The following CCDC47 variants were observed in gnomAD, a reference collection of about 807,000 sequenced individuals.
CCDC47 encodes the protein coiled-coil domain containing 47, also known as PAT complex subunit CCDC47.
Under a neutral mutation model 60.5 loss-of-function variants are expected in CCDC47, and 41 were observed. The ratio of observed to expected loss-of-function variants is 0.68; its 90% confidence interval spans 0.53 to 0.88. The LOEUF (loss-of-function observed/expected upper bound fraction) is 0.88. CCDC47 is among the 40% of genes least tolerant of loss of function. The pLI, the probability that CCDC47 is intolerant of heterozygous loss-of-function variation, is 0.00. For synonymous variants in CCDC47, 195 were observed against 190.7 expected (o/e 1.02, Z -0.18); for missense variants, 513 against 580.9 (o/e 0.88, Z 1.20).
intron 7 of CCDC47, 28 bp from the exon 8 acceptor site, chr17:63,756,378 A>G: frequency 1.3e-6 from 2 of 1,596,014 alleles, no homozygotes; most frequent in Non-Finnish European, 1.7e-6. Flanking sequence ...TGAAAGTAAG[A>G]TATGACCTTT....
chr17:63,764,108 T>C lies in CCDC47; in HGVS notation c.455A>G (p.Asn152Ser). 1 of 1,612,770 alleles carries C rather than the reference T, an allele frequency of 6.2e-7. No homozygotes were observed. Among genetic ancestry groups the C allele is most frequent in the South Asian group, 1.1e-5 (1 of 90,806 alleles). ...GTTTTTATTCTTCCCAATGATGTAA[T>C]TCATGATATAAGCAAGCAGACCAGT... The part of the protein sequence containing the change: ...MVTGLLAYIM[N>S]YIIGKNKNSR... Residue 152 changes from asparagine to serine, a missense_variant, in exon 4 of 13, where the codon AAT becomes AGT. Transcript: ENST00000225726.
chr17:63,766,721 A>C (rs1249057203), intron 1 of CCDC47: 18 of 613,976 alleles, frequency 2.9e-5, no homozygotes, highest in Non-Finnish European at 3.5e-5. Context: ...CACTGTGCCC[A>C]GCCCAAGTCA....
rs1258827678 is a variant in CCDC47, at chr17:63,751,756, T to C, written c.1371+184A>G. 4 of 682,762 alleles carry C rather than the reference T, an allele frequency of 5.9e-6. No homozygotes were observed. The Admixed American group carries it at 8.7e-5, about 15-fold the overall frequency. 42.3% of individuals were successfully genotyped at this position (682,762 alleles called of 1,614,324 possible). A position where few individuals can be genotyped will look rare whatever the true frequency, so the allele number is the denominator to read the frequency against. The stretch of plus-strand genomic sequence containing the variant: ...TAATTTTTCACGTTCACAGACTCAG[T>C]GTGGCACGGCTTGAACAGGAAGGAT... On this transcript the variant is annotated intron_variant, in intron 12 of 12. Transcript: ENST00000225726.
Position 63,761,953 on chromosome 17 carries a change from A to G in CCDC47, c.548-602T>C, listed in dbSNP as rs187394712. On this transcript the variant is annotated intron_variant, in intron 4 of 12. Transcript: ENST00000225726. ...TCTCTCAGAGTACATACAAAATGGG[A>G]AAAAAATCAGTTGAAATATCTCTGC... 4.9e-4 allele frequency: 357 copies of G among 723,098 alleles called. No individual in the cohort carries two copies. The African/African-American group carries it at 6.4e-3, about 13-fold the overall frequency. The allele number at this position is 723,098 out of a possible 1,614,324, so 44.8% of individuals were successfully genotyped here.
chr17:63,761,993 T>C (rs2039265101), intron 4 of CCDC47: 1 of 834,512 alleles, frequency 1.2e-6, no homozygotes, highest in South Asian at 5.5e-5. Flanking sequence ...AGTTAAAAAC[T>C]CCTATGGAGT....
intron 10 of CCDC47, 81 bp downstream of exon 10, chr17:63,752,660 T>C (rs1368516424): frequency 7.1e-7 from 1 of 1,413,880 alleles, no homozygotes; most frequent in Non-Finnish European, 9.6e-7. Flanking sequence ...GTTTTAAAGC[T>C]ATCATTTAGG....
At chr17:63,758,479 G>A (rs1397781036) in intron 6 of CCDC47, among the ~76,000 whole-genome samples, 1 of 151,458 alleles carries the variant, frequency 6.6e-6, no homozygotes, top group Non-Finnish European at 1.5e-5. Context: ...AACATGAACT[G>A]CCTGGGCAAC....
intron 8 of CCDC47, 33 bp from the exon 9 acceptor site, chr17:63,754,551 A>G (rs1296947080): frequency 1.8e-5 from 25 of 1,390,200 alleles, no homozygotes; most frequent in Non-Finnish European, 2.4e-5. Flanking sequence ...TTTTAAAAGC[A>G]AGGTTTAATG....
At chr17:63,761,822 G>T in intron 4 of CCDC47, 1 of 979,382 alleles carries the variant, frequency 1.0e-6, no homozygotes, top group Non-Finnish European at 1.2e-6. Flanking sequence ...GACTGAAATA[G>T]ATTAGCACTG....
At chr17:63,771,003 AG>A (rs1214305348) in intron 1 of CCDC47, among the ~76,000 whole-genome samples, 42 of 112,790 alleles carry the variant, frequency 3.7e-4, no homozygotes, top group African/African-American at 1.4e-3. Context: ...AAAAAAAGAA[AG>A]AAAGAAAGAA....
At chr17:63,758,232 G>A (rs193133113) in intron 6 of CCDC47, among the ~76,000 whole-genome samples, 3 of 152,330 alleles carry the variant, frequency 2.0e-5, no homozygotes, top group Admixed American at 6.5e-5. Context: ...GGAGGTCATA[G>A]GAACCCGATT....
chr17:63,753,443 G>C lies in CCDC47; in HGVS notation c.1035-644C>G, dbSNP rs1026932011. The C allele has an allele frequency of 2.7e-5, 5 of 188,208 alleles. No homozygotes were observed. The Admixed American group carries it at 3.3e-4, about 12-fold the overall frequency. 11.7% of individuals were successfully genotyped at this position (188,208 alleles called of 1,614,324 possible). Reference sequence around the variant, plus strand: ...ACTATCTAGAGGCATAAGGACCTGAGTAATCTTAGTATACAACTAAAATCC... The same window carrying C: ...ACTATCTAGAGGCATAAGGACCTGACTAATCTTAGTATACAACTAAAATCC... On this transcript the variant is annotated intron_variant, in intron 9 of 12. Transcript: ENST00000225726.
chr17:63,766,093 T>C lies in CCDC47; in HGVS notation c.83A>G (p.Glu28Gly), dbSNP rs757759425. ...ATCATCATACTCTACTATGTCCTCCTCATCCTCAAAATCATCAAACTTGGC... is the reference window on the plus strand; with the variant it reads ...ATCATCATACTCTACTATGTCCTCCCCATCCTCAAAATCATCAAACTTGGC... ...SEAKFDDFED[E>G]EDIVEYDDND... The change falls in exon 2 of 13, where the codon GAG (glutamate) becomes GGG (glycine). Residue 28 changes from glutamate (E) to glycine (G), a missense_variant. Physicochemically the swap from Glu to Gly is moderately conservative, Grantham distance 98. Transcript: ENST00000225726. The C allele has an allele frequency of 1.2e-6, 2 of 1,614,014 alleles. No homozygotes were observed. The highest frequency in any genetic ancestry group is 1.7e-6 in the Non-Finnish European group (2 of 1,179,986).
At chr17:63,751,901 A>C (rs1442846355) in intron 12 of CCDC47, 39 bp downstream of exon 12, 1 of 1,609,288 alleles carries the variant, frequency 6.2e-7, no homozygotes, top group Admixed American at 1.7e-5. Flanking sequence ...AGTCATCCTT[A>C]CAAATCGTAG....
chr17:63,751,742 G>A (rs935479744), intron 12 of CCDC47, 198 bp downstream of exon 12: 6 of 644,698 alleles, frequency 9.3e-6, no homozygotes, highest in South Asian at 3.6e-5. Flanking sequence ...AATTTTTCAC[G>A]TTCACAGACT....
intron 1 of CCDC47, among the ~76,000 whole-genome samples, 172 bp from the exon 2 acceptor site, chr17:63,766,366 G>A (rs2039298505): frequency 6.6e-6 from 1 of 152,156 alleles, no homozygotes; most frequent in South Asian, 2.1e-4. Context: ...TTGGGTTCTA[G>A]TCTGGATCCT....
At position 63,763,218 on chromosome 17, in the gene CCDC47, G is replaced by A. The variant is rs191820399; in HGVS notation, c.547+798C>T. Among the ~76,000 whole-genome samples the A allele has an allele frequency of 5.7e-3, 861 of 152,102 alleles. 4 individuals carry two copies. Among genetic ancestry groups the A allele is most frequent in the Non-Finnish European group, 9.0e-3 (611 of 67,982 alleles). On this transcript the variant is annotated intron_variant, in intron 4 of 12. Transcript: ENST00000225726. Reference sequence around the variant, plus strand: ...AATTACACGTGTGAGCCACCGCACCGGGCCAAAAAACAGGATCCTCAAGGC... The same window carrying A: ...AATTACACGTGTGAGCCACCGCACCAGGCCAAAAAACAGGATCCTCAAGGC...
intron 7 of CCDC47, 48 bp downstream of exon 7, chr17:63,756,421 A>C: frequency 1.3e-6 from 2 of 1,564,272 alleles, no homozygotes; most frequent in Non-Finnish European, 1.8e-6. Flanking sequence ...TGTGTGTGCT[A>C]AGGAGACACA....
At chr17:63,756,164 T>C (rs2039203904) in intron 8 of CCDC47, 76 bp downstream of exon 8, 1 of 942,724 alleles carries the variant, frequency 1.1e-6, no homozygotes, top group Non-Finnish European at 1.7e-6. Context: ...ATGATGAACT[T>C]GTACAATGAG....
Sources: allele counts gnomAD v4.1 joint callset (sites outside exome capture counted in the v4.1 genomes callset), GRCh38; gene constraint gnomAD v4.1.1; transcripts MANE v1.5; gene names NCBI Gene and HGNC (gene_info 2026-07-23, HGNC 2026-07-21).